Variants in BIRC6 observed in about 807,000 individuals in gnomAD.
BIRC6 encodes dual E2 ubiquitin-conjugating enzyme/E3 ubiquitin-protein ligase BIRC6.
In BIRC6, 98 loss-of-function variants were observed where a neutral mutation model predicts 503.3. The observed-to-expected ratio is 0.19, with a 90% CI of 0.17 to 0.23. BIRC6 has a LOEUF of 0.23. Ranked by LOEUF, BIRC6 falls within the 10% of genes least tolerant of loss-of-function variation. The pLI, the probability that BIRC6 is intolerant of heterozygous loss-of-function variation, is 1.00. For missense variants in BIRC6, 5,360 were observed against 5,806.0 expected, an observed-to-expected ratio of 0.92 and a Z score of 2.50; for synonymous variants, 2,240 against 2,078.7, an observed-to-expected ratio of 1.08 and a Z score of -2.11.
At chr2:32,616,698 A>G (rs1157055083) in intron 73 of BIRC6, among the ~76,000 whole-genome samples, 1 of 151,870 alleles carries the variant, frequency 6.6e-6, no homozygotes, top group Non-Finnish European at 1.5e-5. Context: ...TATTTTTTTC[A>G]TTCGCTAAAG....
At position 32,464,718 on chromosome 2, in the gene BIRC6, C is replaced by T. The variant is rs147771042; in HGVS notation, c.5151C>T (p.Ser1717=). 48 of 1,613,956 alleles carry T rather than the reference C, an allele frequency of 3.0e-5. No individual in the cohort carries two copies. The African/African-American group carries it at 3.5e-4, about 12-fold the overall frequency. ...TCACTCCACCCAATGAAGCAGTTTCCGTTGTGATTAATGCCGAACTTGCAC... is the reference window on the plus strand; with the variant it reads ...TCACTCCACCCAATGAAGCAGTTTCTGTTGTGATTAATGCCGAACTTGCAC... The part of the protein sequence containing the change: ...PPLTPPNEAV[S]VVINAELAQL... The change falls in exon 25 of 74, where the codon TCC becomes TCT. Residue 1717 remains serine (S), a synonymous_variant. Coordinates refer to ENST00000421745, the MANE Select transcript of BIRC6 (RefSeq NM_016252.4).
chr2:32,505,017 C>G lies in BIRC6; in HGVS notation c.9512C>G (p.Ser3171Cys). ...ATATCTTCTCTAGGTACAATCACAT[C>G]TAGCAGTCCTACTGCCCAACCAGCT... The part of the protein sequence containing the change: ...HNFAPLGTIT[S>C]SSPTAQPAEV... Residue 3171 changes from serine (S) to cysteine (C), a missense_variant, in exon 50 of 74, where the codon TCT becomes TGT. By Grantham distance (112) the Ser-to-Cys change is moderately radical (BLOSUM62 -1). Transcript: ENST00000421745. 3 of 1,613,272 alleles carry G rather than the reference C, an allele frequency of 1.9e-6. No homozygotes were observed. Among genetic ancestry groups the G allele is most frequent in the Non-Finnish European group, 1.7e-6 (2 of 1,179,414 alleles).
At chr2:32,419,530 T>C (rs1380064970) in intron 10 of BIRC6, among the ~76,000 whole-genome samples, 2 of 152,078 alleles carry the variant, frequency 1.3e-5, no homozygotes, top group Non-Finnish European at 2.9e-5. Context: ...TTGGTGCAAA[T>C]ACATTTAAAA....
chr2:32,395,366 T>C (rs888967026), intron 5 of BIRC6, 145 bp from the exon 6 acceptor site: 2 of 577,962 alleles, frequency 3.5e-6, no homozygotes, highest in East Asian at 3.0e-5. Context: ...TTCAGTGTAT[T>C]GTTGGACCTA....
chr2:32,617,958 A>AT lies in BIRC6; in HGVS notation c.*55dup. ...AAAGGCTTCGAAGCACAAGCCAAAT[A>AT]TGTCAATATTTGTATGTAAGAAACT... On this transcript the variant is annotated 3_prime_UTR_variant, in exon 74 of 74. Transcript: ENST00000421745. The AT allele has an allele frequency of 6.6e-7, 1 of 1,522,352 alleles. No homozygotes were observed. Among genetic ancestry groups the AT allele is most frequent in the Non-Finnish European group, 8.9e-7 (1 of 1,118,310 alleles). 94.3% of individuals were successfully genotyped at this position (1,522,352 alleles called of 1,614,324 possible). A position where few individuals can be genotyped will look rare whatever the true frequency, so the allele number is the denominator to read the frequency against.
At chr2:32,386,117 A>G (rs2038422398) in intron 3 of BIRC6, among the ~76,000 whole-genome samples, 1 of 152,160 alleles carries the variant, frequency 6.6e-6, no homozygotes, top group Admixed American at 6.5e-5. Flanking sequence ...GGATGTTAGG[A>G]TGATCAGGAT....
At chr2:32,611,766 G>A (rs963415639) in intron 73 of BIRC6, among the ~76,000 whole-genome samples, 184 bp downstream of exon 73, 3 of 152,080 alleles carry the variant, frequency 2.0e-5, no homozygotes, top group African/African-American at 7.2e-5. Context: ...TTTGGTAGTA[G>A]ATTGACAGTT....
chr2:32,397,503 G>T (rs2040036554), intron 6 of BIRC6, among the ~76,000 whole-genome samples: 1 of 151,554 alleles, frequency 6.6e-6, no homozygotes, highest in Non-Finnish European at 1.5e-5. Context: ...TGGATAAGAG[G>T]GGGACCTGTT....
intron 66 of BIRC6, among the ~76,000 whole-genome samples, chr2:32,591,415 T>C (rs2061373740): frequency 6.6e-6 from 1 of 152,188 alleles, no homozygotes; most frequent in African/African-American, 2.4e-5. Flanking sequence ...ATTTTAATAA[T>C]CTCTTACTAA....
intron 72 of BIRC6, among the ~76,000 whole-genome samples, chr2:32,610,084 CTG>C (rs1194278451): frequency 6.6e-6 from 1 of 152,168 alleles, no homozygotes; most frequent in African/African-American, 2.4e-5. Context: ...TCATTTAAAG[CTG>C]TGTCATACTT....
intron 61 of BIRC6, among the ~76,000 whole-genome samples, chr2:32,535,319 T>A (rs1490989073): frequency 1.3e-5 from 2 of 152,168 alleles, no homozygotes; most frequent in Non-Finnish European, 2.9e-5. Flanking sequence ...TTTTATTTTT[T>A]AAATTATACT....
intron 10 of BIRC6, among the ~76,000 whole-genome samples, chr2:32,421,917 C>G (rs2042991084): frequency 6.6e-6 from 1 of 152,176 alleles, no homozygotes; most frequent in African/African-American, 2.4e-5. Flanking sequence ...ATTTTGAGAG[C>G]AAGTATTGAA....
At chr2:32,373,385 T>A (rs893597272) in intron 1 of BIRC6, among the ~76,000 whole-genome samples, 1 of 152,228 alleles carries the variant, frequency 6.6e-6, no homozygotes, top group Admixed American at 6.5e-5. Context: ...AGCATAAAGA[T>A]GGACATATAG....
intron 5 of BIRC6, 50 bp downstream of exon 5, chr2:32,392,200 C>A: frequency 8.0e-7 from 1 of 1,257,194 alleles, no homozygotes; most frequent in Non-Finnish European, 1.1e-6. Context: ...CTTTGTAGCC[C>A]TCAGCAAAAT....
At chr2:32,503,540 G>A (rs891625596) in intron 49 of BIRC6, among the ~76,000 whole-genome samples, 1 of 152,148 alleles carries the variant, frequency 6.6e-6, no homozygotes, top group Non-Finnish European at 1.5e-5. Context: ...TCCTGCCTCA[G>A]CCTCCCGAGT....
chr2:32,604,105 A>G (rs953562479), intron 71 of BIRC6, among the ~76,000 whole-genome samples: 1 of 151,956 alleles, frequency 6.6e-6, no homozygotes, highest in Admixed American at 6.6e-5. Flanking sequence ...TGTAGAATTG[A>G]TTTTGTTCTA....
chr2:32,378,557 A>G (rs1294825562), intron 2 of BIRC6, among the ~76,000 whole-genome samples: 5 of 151,848 alleles, frequency 3.3e-5, no homozygotes, highest in Admixed American at 6.6e-5. Context: ...TCCCGGGTTC[A>G]AGTGATTCTC....
intron 23 of BIRC6, among the ~76,000 whole-genome samples, chr2:32,460,200 A>C (rs2047681952): frequency 7.5e-6 from 1 of 132,848 alleles, no homozygotes; most frequent in Admixed American, 8.4e-5. Flanking sequence ...TGTGATATAT[A>C]TCATATATGA....
chr2:32,488,248 C>T (rs539276084), intron 41 of BIRC6, among the ~76,000 whole-genome samples: 3 of 151,678 alleles, frequency 2.0e-5, no homozygotes, highest in South Asian at 2.1e-4. Flanking sequence ...GAGGCTGAGG[C>T]GGGAGGATGG....
Sources: allele counts gnomAD v4.1 joint callset (sites outside exome capture counted in the v4.1 genomes callset), GRCh38; gene constraint gnomAD v4.1.1; transcripts MANE v1.5; gene names NCBI Gene and HGNC (gene_info 2026-07-23, HGNC 2026-07-21).